The following ZNF573 variants were observed in gnomAD, a reference collection of about 807,000 sequenced individuals.
ZNF573 encodes zinc finger protein 573.
In ZNF573, 41 loss-of-function variants were observed where a neutral mutation model predicts 57.4. That is an observed-to-expected ratio of 0.71 (90% CI 0.56 to 0.93). The LOEUF (loss-of-function observed/expected upper bound fraction) is 0.93. Ranked by LOEUF, ZNF573 falls within the 40% of genes least tolerant of loss-of-function variation. The pLI is 0.00. For missense variants in ZNF573, 730 were observed against 794.8 expected (o/e 0.92, Z 0.98); for synonymous variants, 249 against 261.0 (o/e 0.95, Z 0.44).
chr19:37,748,040 A>G (rs112386801), intron 4 of ZNF573, among the ~76,000 whole-genome samples: 1,539 of 152,294 alleles, frequency 0.01, 29 homozygotes, highest in African/African-American at 0.035. Flanking sequence ...AAAACAACAG[A>G]CTTGGATTGG....
chr19:37,776,167 G>A (rs761068053), intron 1 of ZNF573, among the ~76,000 whole-genome samples: 1 of 152,064 alleles, frequency 6.6e-6, no homozygotes, highest in Non-Finnish European at 1.5e-5. Context: ...AAAAGAGCCC[G>A]CATGGTCAAA....
intron 1 of ZNF573, among the ~76,000 whole-genome samples, chr19:37,774,987 T>C (rs1353285858): frequency 3.3e-5 from 5 of 151,634 alleles, no homozygotes; most frequent in African/African-American, 1.2e-4. Context: ...CACAGTGTCA[T>C]CCAGTCTACT....
At chr19:37,750,067 C>A (rs959754659) in intron 4 of ZNF573, among the ~76,000 whole-genome samples, 1 of 151,754 alleles carries the variant, frequency 6.6e-6, no homozygotes, top group Non-Finnish European at 1.5e-5. Context: ...TGAAACACAT[C>A]CAACATTATT....
chr19:37,747,867 T>C (rs1047567757), intron 4 of ZNF573, among the ~76,000 whole-genome samples: 1 of 152,128 alleles, frequency 6.6e-6, no homozygotes, highest in African/African-American at 2.4e-5. Flanking sequence ...TTTGTATTTT[T>C]AGTAGAGACG....
At chr19:37,749,546 T>C (rs886584156) in intron 4 of ZNF573, among the ~76,000 whole-genome samples, 1 of 151,958 alleles carries the variant, frequency 6.6e-6, no homozygotes, top group African/African-American at 2.4e-5. Context: ...AGGAGAAAAC[T>C]TGAAAATTGG....
chr19:37,760,654 T>C (rs2045542865), intron 4 of ZNF573, among the ~76,000 whole-genome samples: 1 of 151,614 alleles, frequency 6.6e-6, no homozygotes, highest in East Asian at 2.0e-4. Flanking sequence ...AAACCCCGTC[T>C]CTACTAAAAA....
rs562882065 is a variant in ZNF573, at chr19:37,768,946, G to A, written c.295+1059C>T. Reference sequence around the variant, plus strand: ...CTCCCAAAGTGCTGGGATTACAGGCGTGAGCCGCTGCGCCCGGCCTATTTT... The same window carrying A: ...CTCCCAAAGTGCTGGGATTACAGGCATGAGCCGCTGCGCCCGGCCTATTTT... On this transcript the variant is annotated intron_variant, in intron 4 of 4. Transcript: ENST00000536220. Among the ~76,000 whole-genome samples the A allele has an allele frequency of 5.3e-5, 8 of 151,110 alleles. No homozygotes were observed. The East Asian group carries it at 7.9e-4, about 15-fold the overall frequency.
intron 4 of ZNF573, among the ~76,000 whole-genome samples, chr19:37,745,859 A>C (rs1248428649): frequency 2.0e-5 from 3 of 152,222 alleles, no homozygotes; most frequent in African/African-American, 7.2e-5. Flanking sequence ...AAATTATCCA[A>C]AGTCTGATTA....
intron 1 of ZNF573, among the ~76,000 whole-genome samples, chr19:37,775,012 CTTT>C (rs969290182): frequency 7.6e-6 from 1 of 132,150 alleles, no homozygotes; most frequent in Non-Finnish European, 1.6e-5. Context: ...AACTCTCTCT[CTTT>C]TTTTTTTTTT....
At chr19:37,776,160 A>G (rs1308478304) in intron 1 of ZNF573, among the ~76,000 whole-genome samples, 2 of 152,232 alleles carry the variant, frequency 1.3e-5, no homozygotes, top group Non-Finnish European at 2.9e-5. Flanking sequence ...GAACAAAAAA[A>G]GAGCCCGCAT....
At chr19:37,775,216 C>T (rs1160923482) in intron 1 of ZNF573, among the ~76,000 whole-genome samples, 1 of 152,026 alleles carries the variant, frequency 6.6e-6, no homozygotes, top group Non-Finnish European at 1.5e-5. Context: ...CAGGGTCTTA[C>T]TATGTTACCT....
intron 4 of ZNF573, among the ~76,000 whole-genome samples, chr19:37,759,517 G>A (rs1036330441): frequency 2.0e-5 from 3 of 152,116 alleles, no homozygotes; most frequent in Admixed American, 1.3e-4. Context: ...CACGAGGTCA[G>A]GAGATTGAGA....
intron 4 of ZNF573, among the ~76,000 whole-genome samples, chr19:37,769,727 G>GAAAAAAAAAAAAAAAAA (rs397944905): frequency 4.0e-4 from 22 of 55,152 alleles, no homozygotes; most frequent in East Asian, 1.6e-3. Flanking sequence ...CTCTGTCTCG[G>GAAAAAAAAAAAAAAAAA]AAAAAAAAAA....
rs1568418375 is a variant in ZNF573, at chr19:37,751,929, CGT to C, written c.296-11737_296-11736del. On this transcript the variant is annotated intron_variant, in intron 4 of 4. Coordinates refer to ENST00000536220, the MANE Select transcript of ZNF573 (RefSeq NM_001172690.2). ...ATATACTGTATATAGTACATAGTAC[CGT>C]ATATATACTGTATATAGTACATAGT... Among the ~76,000 whole-genome samples the C allele has an allele frequency of 3.5e-3, 184 of 53,322 alleles. 2 individuals carry two copies. The highest frequency in any genetic ancestry group is 8.8e-3 in the African/African-American group (160 of 18,242). 35.0% of individuals were successfully genotyped at this position (53,322 alleles called of 152,430 possible). A position where few individuals can be genotyped will look rare whatever the true frequency, so the allele number is the denominator to read the frequency against.
chr19:37,739,253 G>T lies in ZNF573; in HGVS notation c.1237C>A (p.Pro413Thr), dbSNP rs1487571911. 1.2e-6 allele frequency: 2 copies of T among 1,614,022 alleles called. No individual in the cohort carries two copies. Among genetic ancestry groups the T allele is most frequent in the Non-Finnish European group, 1.7e-6 (2 of 1,180,026 alleles). Residue 413 changes from proline to threonine, a missense_variant, in exon 5 of 5, where the codon CCC becomes ACC. Pro to Thr is a conservative substitution (Grantham distance 38). Transcript: ENST00000536220. ...TTTCCGCATTCCTTGCATTCATAGG[G>T]TTTCTCGCCAGTATGAGTTTTCTGA... ...QHQKTHTGEK[P>T]YECKECGKAF...
chr19:37,754,032 T>C (rs1425302967), intron 4 of ZNF573, among the ~76,000 whole-genome samples: 3 of 152,172 alleles, frequency 2.0e-5, no homozygotes, highest in Non-Finnish European at 4.4e-5. Context: ...ACTGGGAACA[T>C]ACAGCGACTA....
Position 37,738,684 on chromosome 19 carries a change from T to C in ZNF573, c.1806A>G (p.Lys602=). 1 of 1,610,508 alleles carries C rather than the reference T, an allele frequency of 6.2e-7. No homozygotes were observed. The highest frequency in any genetic ancestry group is 8.5e-7 in the Non-Finnish European group (1 of 1,178,656). The change falls in exon 5 of 5, where the codon AAA becomes AAG. Residue 602 remains lysine, a synonymous_variant. Coordinates refer to ENST00000536220, the MANE Select transcript of ZNF573 (RefSeq NM_001172690.2). ...CATAAGGTTTTCCACCAGTATGAATTTTCTGATGTTGGGTAAGGTAGCCAT... is the reference window on the plus strand; with the variant it reads ...CATAAGGTTTTCCACCAGTATGAATCTTCTGATGTTGGGTAAGGTAGCCAT... The part of the protein sequence containing the change: ...KMYGYLTQHQ[K]IHTGGKPYEC...
Position 37,738,406 on chromosome 19 carries a change from G to A in ZNF573, c.*86C>T. 7.2e-7 allele frequency: 1 copy of A among 1,390,932 alleles called. No individual in the cohort carries two copies. The highest frequency in any genetic ancestry group is 2.6e-5 in the Admixed American group (1 of 37,906). 86.2% of individuals were successfully genotyped at this position (1,390,932 alleles called of 1,614,324 possible). ...ATTTTGAACTCTCTCAATTGCTAAA[G>A]CCATACCTATAAGACTAACATTCCA... On this transcript the variant is annotated 3_prime_UTR_variant, in exon 5 of 5. Transcript: ENST00000536220.
At chr19:37,758,888 T>C (rs1395694689) in intron 4 of ZNF573, among the ~76,000 whole-genome samples, 1 of 152,014 alleles carries the variant, frequency 6.6e-6, no homozygotes, top group Non-Finnish European at 1.5e-5. Flanking sequence ...TAAGTCCAAC[T>C]CAAAATAATA....
Sources: allele counts gnomAD v4.1 joint callset (sites outside exome capture counted in the v4.1 genomes callset), GRCh38; gene constraint gnomAD v4.1.1; transcripts MANE v1.5; gene names NCBI Gene and HGNC (gene_info 2026-07-23, HGNC 2026-07-21).